The following INPP4B variants were observed in gnomAD, a reference collection of about 807,000 sequenced individuals.
INPP4B encodes inositol polyphosphate-4-phosphatase type II B, also known as inositol polyphosphate 4-phosphatase type II.
Under a neutral mutation model 122.5 loss-of-function variants are expected in INPP4B, and 55 were observed. The ratio of observed to expected loss-of-function variants is 0.45; its 90% CI spans 0.36 to 0.56. The LOEUF (loss-of-function observed/expected upper bound fraction) is 0.56, where lower values mean the gene tolerates loss of function less well. INPP4B is among the 20% of genes least tolerant of loss of function. The pLI is 0.00. For synonymous variants in INPP4B, 403 were observed against 388.7 expected (o/e 1.04, Z -0.43); for missense variants, 1,000 against 1,097.7 (o/e 0.91, Z 1.26).
At chr4:142,527,725 T>C (rs1309109784) in intron 2 of INPP4B, among the ~76,000 whole-genome samples, 1 of 152,108 alleles carries the variant, frequency 6.6e-6, no homozygotes, top group Non-Finnish European at 1.5e-5. Context: ...AGATTAGCAG[T>C]TCTGAAAGTG....
intron 1 of INPP4B, among the ~76,000 whole-genome samples, chr4:142,820,204 C>T (rs897181234): frequency 3.9e-5 from 6 of 152,092 alleles, no homozygotes; most frequent in Non-Finnish European, 7.4e-5. Context: ...GAAGTCTTAT[C>T]CCAATGTTAG....
chr4:142,619,119 T>G (rs1420732000), intron 2 of INPP4B, among the ~76,000 whole-genome samples: 1 of 151,894 alleles, frequency 6.6e-6, no homozygotes, highest in African/African-American at 2.4e-5. Flanking sequence ...AGAAACTGAT[T>G]ATTTGTGCCA....
At chr4:142,597,432 TA>T (rs1738962192) in intron 2 of INPP4B, among the ~76,000 whole-genome samples, 3 of 152,186 alleles carry the variant, frequency 2.0e-5, no homozygotes, top group Non-Finnish European at 4.4e-5. Context: ...AGAAAAATAA[TA>T]ATTGAGATAA....
intron 2 of INPP4B, among the ~76,000 whole-genome samples, chr4:142,618,039 A>T (rs1744081349): frequency 6.6e-6 from 1 of 152,150 alleles, no homozygotes; most frequent in Non-Finnish European, 1.5e-5. Context: ...CATCCTTTTT[A>T]AAGGGAATTA....
At chr4:142,170,954 A>G (rs1434804707) in intron 16 of INPP4B, among the ~76,000 whole-genome samples, 1 of 151,804 alleles carries the variant, frequency 6.6e-6, no homozygotes, top group South Asian at 2.1e-4. Context: ...TCTCAGTAGC[A>G]GTAGAGATGA....
intron 10 of INPP4B, among the ~76,000 whole-genome samples, chr4:142,266,852 A>C (rs959404953): frequency 1.3e-5 from 2 of 152,184 alleles, no homozygotes; most frequent in African/African-American, 4.8e-5. Flanking sequence ...ATCAGTTAAA[A>C]CTGATAAATT....
intron 2 of INPP4B, among the ~76,000 whole-genome samples, chr4:142,467,465 T>A (rs1034980174): frequency 4.6e-5 from 7 of 152,214 alleles, no homozygotes; most frequent in African/African-American, 1.4e-4. Flanking sequence ...ATTTTTCCCC[T>A]TTTGGAATGA....
chr4:142,193,484 C>T (rs917155547), intron 14 of INPP4B, among the ~76,000 whole-genome samples: 1 of 152,098 alleles, frequency 6.6e-6, no homozygotes, highest in African/African-American at 2.4e-5. Flanking sequence ...TATATACTTA[C>T]TGAGATAACA....
intron 1 of INPP4B, among the ~76,000 whole-genome samples, chr4:142,809,678 T>C (rs576750086): frequency 3.3e-4 from 50 of 152,274 alleles, no homozygotes; most frequent in African/African-American, 1.2e-3. Flanking sequence ...TCCTAGAATA[T>C]GTATCAGAGC....
At chr4:142,772,920 C>A (rs900591337) in intron 1 of INPP4B, among the ~76,000 whole-genome samples, 1 of 152,040 alleles carries the variant, frequency 6.6e-6, no homozygotes, top group Non-Finnish European at 1.5e-5. Context: ...GTGGCACACA[C>A]CTTTAATCCC....
chr4:142,700,656 G>A (rs1446621830), intron 2 of INPP4B, among the ~76,000 whole-genome samples: 1 of 141,564 alleles, frequency 7.1e-6, no homozygotes, highest in Non-Finnish European at 1.5e-5. Flanking sequence ...TTTTTGCCCT[G>A]TCTTATTTGC....
At chr4:142,255,121 G>A (rs1357022267) in intron 11 of INPP4B, among the ~76,000 whole-genome samples, 1 of 151,588 alleles carries the variant, frequency 6.6e-6, no homozygotes, top group Non-Finnish European at 1.5e-5. Context: ...ATAAGTGAAG[G>A]AGAAATAAAA....
At chr4:142,454,789 T>A (rs1560675789) in intron 3 of INPP4B, among the ~76,000 whole-genome samples, 1 of 152,048 alleles carries the variant, frequency 6.6e-6, no homozygotes, top group Non-Finnish European at 1.5e-5. Context: ...AGAATTGAAT[T>A]CATACATGCA....
intron 2 of INPP4B, among the ~76,000 whole-genome samples, chr4:142,480,274 AG>A (rs775237653): frequency 3.3e-4 from 50 of 152,216 alleles, no homozygotes; most frequent in Non-Finnish European, 2.5e-4. Flanking sequence ...TCAGTCACTT[AG>A]GTTTATGTTA....
At chr4:142,218,080 G>C (rs1848052698) in intron 12 of INPP4B, among the ~76,000 whole-genome samples, 1 of 151,208 alleles carries the variant, frequency 6.6e-6, no homozygotes, top group Non-Finnish European at 1.5e-5. Context: ...GTTTCTCTTT[G>C]GAACCCTGAC....
At chr4:142,396,042 C>A (rs888988600) in intron 7 of INPP4B, among the ~76,000 whole-genome samples, 4 of 151,960 alleles carry the variant, frequency 2.6e-5, no homozygotes, top group Non-Finnish European at 5.9e-5. Flanking sequence ...GAGGTTAAAT[C>A]TCATGTTAAG....
At chr4:142,033,518 T>A (rs336352) in intron 25 of INPP4B, among the ~76,000 whole-genome samples, 16,010 of 152,174 alleles carry the variant, frequency 0.11, 1,499 homozygotes, top group African/African-American at 0.25. Flanking sequence ...TGATCATTAG[T>A]GCTGAAAGGA....
At chr4:142,305,681 T>C (rs1763081024) in intron 8 of INPP4B, 144 bp from the exon 9 acceptor site, 5 of 1,463,396 alleles carry the variant, frequency 3.4e-6, no homozygotes, top group Non-Finnish European at 3.6e-6. Flanking sequence ...AGAGATAAAA[T>C]TATCAATAAT....
chr4:142,070,185 C>T (rs6845576), intron 25 of INPP4B, among the ~76,000 whole-genome samples: 3,932 of 152,142 alleles, frequency 0.026, 179 homozygotes, highest in African/African-American at 0.089. Flanking sequence ...GTTCAACATA[C>T]GCAAATTAAT....
Sources: allele counts gnomAD v4.1 joint callset (sites outside exome capture counted in the v4.1 genomes callset), GRCh38; gene constraint gnomAD v4.1.1; transcripts MANE v1.5; gene names NCBI Gene and HGNC (gene_info 2026-07-23, HGNC 2026-07-21).